The following TMEM161A variants were observed in gnomAD, a reference collection of about 807,000 sequenced individuals.
TMEM161A encodes the protein adaptive response to oxidative stress protein 29.
In TMEM161A, 46 loss-of-function variants were observed where a neutral mutation model predicts 57.1. The observed-to-expected ratio is 0.81, with a 90% CI of 0.64 to 1.03. TMEM161A has a LOEUF of 1.03. TMEM161A is among the 50% of genes least tolerant of loss of function. The probability of loss-of-function intolerance (pLI) is 0.00; values close to 1 mark genes in which losing one functional copy is unlikely to be tolerated. For synonymous variants in TMEM161A, 288 were observed against 279.0 expected, an observed-to-expected ratio of 1.03 and a Z score of -0.32; for missense variants, 601 against 621.5, an observed-to-expected ratio of 0.97 and a Z score of 0.35.
intron 6 of TMEM161A, among the ~76,000 whole-genome samples, chr19:19,125,612 G>A (rs2059927072): frequency 6.6e-6 from 1 of 151,352 alleles, no homozygotes; most frequent in African/African-American, 2.4e-5. Context: ...CACCTCCCGG[G>A]TTCACGCCAT....
intron 6 of TMEM161A, among the ~76,000 whole-genome samples, chr19:19,127,947 GA>G (rs927954359): frequency 4.6e-5 from 7 of 150,914 alleles, no homozygotes; most frequent in South Asian, 2.1e-4. Context: ...CTCAAAAAAA[GA>G]AAAAAAAATT....
intron 3 of TMEM161A, 44 bp downstream of exon 3, chr19:19,133,086 G>A (rs375623312): frequency 6.3e-7 from 1 of 1,584,550 alleles, no homozygotes; most frequent in Non-Finnish European, 8.6e-7. Flanking sequence ...TTCCTGGGGA[G>A]GAGCCACCCT....
At chr19:19,130,602 A>C in intron 5 of TMEM161A, 1 of 410,214 alleles carries the variant, frequency 2.4e-6, no homozygotes, top group Non-Finnish European at 4.6e-6. Context: ...TTGGAAAAGC[A>C]ATCAGATATA....
chr19:19,120,028 G>A lies in TMEM161A; in HGVS notation c.1342C>T (p.Arg448Cys), dbSNP rs151083836. Residue 448 changes from arginine (R) to cysteine (C), a missense_variant, in exon 12 of 12, where the codon CGT (arginine) becomes TGT (cysteine). Coordinates refer to ENST00000162044, the MANE Select transcript of TMEM161A (RefSeq NM_017814.3). ...LGGLLTPLFL[R>C]GVLAYLIWWT... ...CAGATGAGGTAGGCCAGGACGCCAC[G>A]GAGGAAGAGGGGAGTAAGCAGGCCA... 1.2e-4 allele frequency: 189 copies of A among 1,599,964 alleles called. No homozygotes were observed. Among genetic ancestry groups the A allele is most frequent in the Non-Finnish European group, 1.6e-4 (186 of 1,174,118 alleles).
intron 6 of TMEM161A, among the ~76,000 whole-genome samples, chr19:19,122,711 AG>A (rs1486204662): frequency 7.1e-6 from 1 of 141,214 alleles, no homozygotes; most frequent in African/African-American, 2.6e-5. Context: ...AGGATGTGGA[AG>A]TTGCAGTGAG....
intron 5 of TMEM161A, among the ~76,000 whole-genome samples, chr19:19,130,923 AAAC>A (rs374078788): frequency 4.7e-5 from 7 of 150,390 alleles, no homozygotes; most frequent in South Asian, 2.1e-4. Context: ...ATCTTGTCTC[AAAC>A]AACAACAACA....
rs1406858970 is a variant in TMEM161A at position 19,130,247 on chromosome 19, A to G, written c.504T>C (p.Ser168=). The change falls in exon 6 of 12, where the codon TCT becomes TCC. Residue 168 remains serine, a synonymous_variant. Coordinates refer to ENST00000162044, the MANE Select transcript of TMEM161A (RefSeq NM_017814.3). The part of the protein sequence containing the change: ...YFSAEEGGER[S]VCLTFAFLFL... ...AGAGGAAGGCAAAGGTGAGGCAGAC[A>G]GAGCGCTCACCCCCCTCCTCGGCGC... The G allele has an allele frequency of 2.5e-6, 4 of 1,613,948 alleles. No homozygotes were observed. The highest frequency in any genetic ancestry group is 1.6e-4 in the Middle Eastern group (1 of 6,062).
Position 19,121,018 on chromosome 19 carries a change from T to G in TMEM161A, c.1063A>C (p.Ile355Leu). ...VEQLRREAGR[I>L]EAREIQQRVV... Reference sequence around the variant, plus strand: ...CTCTGCTGGATTTCACGGGCTTCGATGCGGCCAGCCTCCCTTCGCAGCTGC... The same window carrying G: ...CTCTGCTGGATTTCACGGGCTTCGAGGCGGCCAGCCTCCCTTCGCAGCTGC... The change falls in exon 10 of 12, where the codon ATC becomes CTC. Residue 355 changes from isoleucine to leucine, a missense_variant. Transcript: ENST00000162044. The surrounding 1 kb of genome is among the most constrained non-coding windows in gnomAD (Gnocchi z 5.8). 1.2e-6 allele frequency: 2 copies of G among 1,608,820 alleles called. No individual in the cohort carries two copies. Among genetic ancestry groups the G allele is most frequent in the Non-Finnish European group, 1.7e-6 (2 of 1,177,302 alleles).
At position 19,130,375 on chromosome 19, in the gene TMEM161A, C is replaced by T. The variant is rs2059952660; in HGVS notation, c.444-68G>A. 3.1e-6 allele frequency: 5 copies of T among 1,587,876 alleles called. No individual in the cohort carries two copies. The Admixed American group carries it at 8.4e-5, about 27-fold the overall frequency. Reference sequence around the variant, plus strand: ...CTCTGCCCATTTCACCACACTCCGTCTGGGACCCCAGAACTCCAGGGAACA... The same window carrying T: ...CTCTGCCCATTTCACCACACTCCGTTTGGGACCCCAGAACTCCAGGGAACA... On this transcript the variant is annotated intron_variant, in intron 5 of 11. Coordinates refer to ENST00000162044, the MANE Select transcript of TMEM161A (RefSeq NM_017814.3).
chr19:19,128,821 A>C (rs1257824509), intron 6 of TMEM161A, among the ~76,000 whole-genome samples: 1 of 152,200 alleles, frequency 6.6e-6, no homozygotes, highest in Non-Finnish European at 1.5e-5. Context: ...TACAGGCATG[A>C]GCCACCATGC....
At chr19:19,135,676 A>G (rs992317991) in intron 1 of TMEM161A, among the ~76,000 whole-genome samples, 3 of 152,072 alleles carry the variant, frequency 2.0e-5, no homozygotes, top group African/African-American at 7.2e-5. Flanking sequence ...TCCCAGGCTC[A>G]AGTGATTCTC....
chr19:19,138,461 C>A lies in TMEM161A; in HGVS notation c.-33G>T. On this transcript the variant is annotated 5_prime_UTR_variant, in exon 1 of 12. Transcript: ENST00000162044. ...GCGAGAACGCGGTGCACTCACCCACCGGCCTAGGGCTCCGGGCACTCTGCG... is the reference window on the plus strand; with the variant it reads ...GCGAGAACGCGGTGCACTCACCCACAGGCCTAGGGCTCCGGGCACTCTGCG... The A allele has an allele frequency of 1.9e-6, 3 of 1,591,622 alleles. No homozygotes were observed. The highest frequency in any genetic ancestry group is 1.7e-4 in the Middle Eastern group (1 of 6,038).
chr19:19,121,601 G>A lies in TMEM161A; in HGVS notation c.724C>T (p.Leu242Phe). ...GCCAGCCGCAGGCCTGGGAAGGTGA[G>A]GAAGGCACCCAGCACAGAGCCCACC... Reference protein sequence around the residue: ...AVVGSVLGAFLTFPGLRLAQT... With the variant: ...AVVGSVLGAFFTFPGLRLAQT... The change falls in exon 8 of 12, where the codon CTC becomes TTC. Residue 242 changes from leucine to phenylalanine, a missense_variant. Physicochemically the swap from Leu to Phe is conservative, Grantham distance 22. Transcript: ENST00000162044. The surrounding 1 kb of genome is among the most constrained non-coding windows in gnomAD (Gnocchi z 5.8). 1 of 1,613,964 alleles carries A rather than the reference G, an allele frequency of 6.2e-7. No homozygotes were observed. Among genetic ancestry groups the A allele is most frequent in the Non-Finnish European group, 8.5e-7 (1 of 1,179,970 alleles).
At chr19:19,130,458 C>T in intron 5 of TMEM161A, 151 bp from the exon 6 acceptor site, 1 of 896,198 alleles carries the variant, frequency 1.1e-6, no homozygotes, top group Non-Finnish European at 1.7e-6. Context: ...TTTTGGGGTG[C>T]TGGATCTCAG....
Position 19,121,179 on chromosome 19 carries a change from G to A in TMEM161A, c.915-13C>T, listed in dbSNP as rs1162318740. 4 of 1,592,896 alleles carry A rather than the reference G, an allele frequency of 2.5e-6. No individual in the cohort carries two copies. Among genetic ancestry groups the A allele is most frequent in the East Asian group, 2.3e-5 (1 of 44,286 alleles). ...AGAATCGGACAGCCTGTGCGGAGAG[G>A]GCCGGGGGCAAGGGACTAAGAAGGT... On this transcript the variant is annotated splice_polypyrimidine_tract_variant and intron_variant, in intron 9 of 11. Coordinates refer to ENST00000162044, the MANE Select transcript of TMEM161A (RefSeq NM_017814.3). The surrounding 1 kb of genome is among the most constrained non-coding windows in gnomAD (Gnocchi z 5.8).
rs946506311 is a variant in TMEM161A at position 19,126,399 on chromosome 19, T to C, written c.595+3757A>G. On this transcript the variant is annotated intron_variant, in intron 6 of 11. Transcript: ENST00000162044. ...AGTATTGGCAATGAAGTGGATAAAT[T>C]TGGAACACTTGTGCACTGCTGCTGG... 7.2e-5 allele frequency among the ~76,000 whole-genome samples: 11 copies of C among 151,998 alleles called. No individual in the cohort carries two copies. The East Asian group carries it at 1.9e-3, about 27-fold the overall frequency.
At chr19:19,135,089 A>G (rs559804726) in intron 1 of TMEM161A, among the ~76,000 whole-genome samples, 130 of 150,076 alleles carry the variant, frequency 8.7e-4, no homozygotes, top group African/African-American at 3.1e-3. Context: ...GTCAGAGATC[A>G]ACACCCACCC....
At chr19:19,125,539 C>T (rs1312580464) in intron 6 of TMEM161A, among the ~76,000 whole-genome samples, 9 of 128,652 alleles carry the variant, frequency 7.0e-5, no homozygotes, top group Non-Finnish European at 1.1e-4. Context: ...TTTTTTTAGA[C>T]GGAGTCTCGC....
chr19:19,120,890 G>C, intron 10 of TMEM161A, 29 bp from the exon 11 acceptor site: 1 of 1,612,180 alleles, frequency 6.2e-7, no homozygotes, highest in East Asian at 2.2e-5. Flanking sequence ...GGTGGCTGCA[G>C]CAGGAGGCCT....
Sources: gnomAD v4.1 joint callset for allele counts (sites outside exome capture counted in the v4.1 genomes callset) on GRCh38, gnomAD v4.1.1 for gene constraint, Gnocchi (gnomAD v3.1) non-coding constraint, MANE v1.5 for transcripts, NCBI Gene and HGNC (gene_info 2026-07-23, HGNC 2026-07-21) for gene names.